Variants in MIGA1 observed in about 807,000 individuals in gnomAD.
The protein encoded by MIGA1 is mitoguardin 1.
Under a neutral mutation model 82.0 loss-of-function variants are expected in MIGA1, and 58 were observed. The ratio of observed to expected loss-of-function variants is 0.71; its 90% CI spans 0.57 to 0.88. The LOEUF (loss-of-function observed/expected upper bound fraction) is 0.88, where lower values mean the gene tolerates loss of function less well. MIGA1 is among the 40% of genes least tolerant of loss of function. The pLI, the probability that MIGA1 is intolerant of heterozygous loss-of-function variation, is 0.00. For missense variants in MIGA1, 751 were observed against 749.1 expected, an observed-to-expected ratio of 1.00 and a Z score of -0.03; for synonymous variants, 249 against 253.6, an observed-to-expected ratio of 0.98 and a Z score of 0.17.
chr1:77,875,177 G>GAA lies in MIGA1; in HGVS notation c.*121_*122dup. ...AATTGATGCATGTGGATTCAGGGAG[G>GAA]AAAAAAAAATCTACTAAAAAATGAG... On this transcript the variant is annotated 3_prime_UTR_variant, in exon 16 of 16. Coordinates refer to ENST00000370791, the MANE Select transcript of MIGA1 (RefSeq NM_198549.4). The GAA allele has an allele frequency of 1.2e-6, 1 of 824,318 alleles. No homozygotes were observed. Among genetic ancestry groups the GAA allele is most frequent in the South Asian group, 1.8e-5 (1 of 54,660 alleles). The allele number at this position is 824,318 out of a possible 1,614,324, so 51.1% of individuals were successfully genotyped here. A position where few individuals can be genotyped will look rare whatever the true frequency, so the allele number is the denominator to read the frequency against.
chr1:77,845,261 G>A (rs888029226), intron 8 of MIGA1, among the ~76,000 whole-genome samples: 9 of 152,060 alleles, frequency 5.9e-5, no homozygotes, highest in Admixed American at 5.2e-4. Context: ...TGTTCTATGG[G>A]AAAGCTGTTT....
chr1:77,841,513 T>A (rs1224354035), intron 7 of MIGA1, among the ~76,000 whole-genome samples: 1 of 150,976 alleles, frequency 6.6e-6, no homozygotes, highest in African/African-American at 2.4e-5. Context: ...TGGAATATAA[T>A]TGATTGTACA....
chr1:77,811,701 C>T lies in MIGA1; in HGVS notation c.638-2033C>T, dbSNP rs1683338394. The T allele has an allele frequency of 3.1e-6, 5 of 1,612,022 alleles. No individual in the cohort carries two copies. The East Asian group carries it at 1.1e-4, about 36-fold the overall frequency. The stretch of plus-strand genomic sequence containing the variant: ...GATACTCGTCTATCGCCTCCACCAG[C>T]TGGCCCCAAGAGTCGAAGTCGGCGC... On this transcript the variant is annotated intron_variant, in intron 5 of 15. Coordinates refer to ENST00000370791, the MANE Select transcript of MIGA1 (RefSeq NM_198549.4).
intron 8 of MIGA1, among the ~76,000 whole-genome samples, chr1:77,850,038 A>T (rs1398714352): frequency 6.6e-6 from 1 of 151,528 alleles, no homozygotes; most frequent in African/African-American, 2.4e-5. Context: ...CTCTCTCAAA[A>T]AAAAAAAAAA....
rs1436822261 is a variant in MIGA1 at position 77,803,281 on chromosome 1, TC to T, written c.387del (p.Ser130ValfsTer6). The T allele has an allele frequency of 7.2e-6, 11 of 1,524,736 alleles. No individual in the cohort carries two copies. Among genetic ancestry groups the T allele is most frequent in the African/African-American group, 4.2e-5 (3 of 70,978 alleles). The allele number at this position is 1,524,736 out of a possible 1,614,324, so 94.5% of individuals were successfully genotyped here. A position where few individuals can be genotyped will look rare whatever the true frequency, so the allele number is the denominator to read the frequency against. ...TGTTTATTTGATAGGTTCAAGTTGT[TC>T]CAGTAGCAGACAGAATTTGACATTA... On this transcript the variant is annotated frameshift_variant, in exon 4 of 16. Transcript: ENST00000370791. LOFTEE classifies it high-confidence loss of function.
chr1:77,861,577 C>G, intron 12 of MIGA1: 1 of 394,988 alleles, frequency 2.5e-6, no homozygotes, highest in South Asian at 3.0e-5. Flanking sequence ...CCCTTGTTCC[C>G]TCTCTTCCTT....
At chr1:77,813,979 C>T in intron 6 of MIGA1, 112 bp downstream of exon 6, 2 of 1,089,696 alleles carry the variant, frequency 1.8e-6, no homozygotes, top group Non-Finnish European at 2.7e-6. Flanking sequence ...GAGTCTTGAA[C>T]TCCTGGGCTC....
intron 2 of MIGA1, 103 bp downstream of exon 2, chr1:77,783,454 G>A: frequency 1.8e-6 from 1 of 558,912 alleles, no homozygotes. Context: ...ATATAGTACA[G>A]TCAAAATATT....
In MIGA1 at chr1:77,878,011, CTT is replaced by C. The variant is rs751111120; in HGVS notation, c.*2949_*2950del. 1.3e-5 allele frequency: 2 copies of C among 152,294 alleles called. No individual in the cohort carries two copies. Among genetic ancestry groups the C allele is most frequent in the East Asian group, 1.9e-4 (1 of 5,174 alleles). 9.4% of individuals were successfully genotyped at this position (152,294 alleles called of 1,614,324 possible). A position where few individuals can be genotyped will look rare whatever the true frequency, so the allele number is the denominator to read the frequency against. ...AGGACAATAAGTATAGGAAATATCT[CTT>C]TATCGTAAGATAAGAAACTTGAACT... On this transcript the variant is annotated 3_prime_UTR_variant, in exon 16 of 16. Coordinates refer to ENST00000370791, the MANE Select transcript of MIGA1 (RefSeq NM_198549.4).
intron 15 of MIGA1, among the ~76,000 whole-genome samples, chr1:77,873,686 C>T (rs772566113): frequency 2.4e-4 from 37 of 152,178 alleles, no homozygotes; most frequent in Admixed American, 3.9e-4. Flanking sequence ...AGGAAAGTCT[C>T]GCTATGTAAT....
chr1:77,829,266 A>G (rs1001909205), intron 7 of MIGA1, among the ~76,000 whole-genome samples: 33 of 152,142 alleles, frequency 2.2e-4, no homozygotes, highest in African/African-American at 7.0e-4. Flanking sequence ...CAAAAAAATA[A>G]GTAGAATAAT....
intron 14 of MIGA1, among the ~76,000 whole-genome samples, chr1:77,872,073 T>A (rs1646845402): frequency 6.6e-6 from 1 of 152,096 alleles, no homozygotes; most frequent in Non-Finnish European, 1.5e-5. Flanking sequence ...GCTCAAATGA[T>A]CCTCCCACCT....
intron 5 of MIGA1, chr1:77,811,296 C>T (rs748276224): frequency 2.5e-5 from 40 of 1,600,752 alleles, no homozygotes; most frequent in Non-Finnish European, 3.2e-5. Context: ...TTCCTGGTTC[C>T]GATGGCAACC....
intron 4 of MIGA1, 39 bp from the exon 5 acceptor site, chr1:77,806,934 TGA>T: frequency 6.7e-7 from 1 of 1,500,824 alleles, no homozygotes; most frequent in Non-Finnish European, 9.1e-7. Context: ...CATACTATCA[TGA>T]GAGAGATTTG....
At chr1:77,811,350 A>T in intron 5 of MIGA1, 4 of 1,607,086 alleles carry the variant, frequency 2.5e-6, no homozygotes, top group Non-Finnish European at 3.4e-6. Flanking sequence ...AAGAATCAGG[A>T]GACCCTGCTC....
At chr1:77,818,339 T>G (rs1683661283) in intron 7 of MIGA1, among the ~76,000 whole-genome samples, 2 of 151,992 alleles carry the variant, frequency 1.3e-5, no homozygotes, top group Non-Finnish European at 2.9e-5. Context: ...GTCAGGCTGG[T>G]CTCGAACTCC....
chr1:77,792,633 G>A (rs1682474622), intron 2 of MIGA1, among the ~76,000 whole-genome samples: 1 of 152,118 alleles, frequency 6.6e-6, no homozygotes, highest in African/African-American at 2.4e-5. Context: ...TTTTGTACTG[G>A]TATCTCACTG....
chr1:77,785,578 G>A (rs1315726182), intron 2 of MIGA1, among the ~76,000 whole-genome samples: 4 of 152,154 alleles, frequency 2.6e-5, no homozygotes, highest in Admixed American at 2.6e-4. Context: ...GCTGACCTCA[G>A]GTGATCTGCC....
At position 77,812,564 on chromosome 1, in the gene MIGA1, A is replaced by G. The variant is rs561383570; in HGVS notation, c.638-1170A>G. 9.8e-5 allele frequency among the ~76,000 whole-genome samples: 15 copies of G among 152,370 alleles called. No individual in the cohort carries two copies. In the South Asian group the frequency reaches 1.9e-3, roughly 19 times the overall value. On this transcript the variant is annotated intron_variant, in intron 5 of 15. Coordinates refer to ENST00000370791, the MANE Select transcript of MIGA1 (RefSeq NM_198549.4). Reference sequence around the variant, plus strand: ...AGAGGAGAGGTATTTTTTAGCTACCATATCTTAAAAACATCAAGAGAATGA... The same window carrying G: ...AGAGGAGAGGTATTTTTTAGCTACCGTATCTTAAAAACATCAAGAGAATGA...
Sources: allele counts gnomAD v4.1 joint callset (sites outside exome capture counted in the v4.1 genomes callset), GRCh38; gene constraint gnomAD v4.1.1; transcripts MANE v1.5; gene names NCBI Gene and HGNC (gene_info 2026-07-23, HGNC 2026-07-21).